The following APBB2 variants were observed in gnomAD, a reference collection of about 807,000 sequenced individuals.
APBB2 encodes Fe65-like 1.
A neutral mutation model predicts 82.5 loss-of-function variants in APBB2; 38 were observed. That is an observed-to-expected ratio of 0.46 (90% CI 0.36 to 0.60). The LOEUF is 0.60. APBB2 is among the 20% of genes least tolerant of loss of function. The pLI is 0.00. For missense variants in APBB2, 772 were observed against 972.3 expected (o/e 0.79, Z 2.74); for synonymous variants, 341 against 368.2 (o/e 0.93, Z 0.85).
chr4:41,112,562 C>T (rs1749569631), intron 2 of APBB2, among the ~76,000 whole-genome samples: 1 of 152,212 alleles, frequency 6.6e-6, no homozygotes, highest in Non-Finnish European at 1.5e-5. Flanking sequence ...ACAGTCCTAC[C>T]TGATGTTTTT....
intron 12 of APBB2, among the ~76,000 whole-genome samples, chr4:40,835,903 G>A (rs1415559665): frequency 6.6e-6 from 1 of 152,210 alleles, no homozygotes; most frequent in Non-Finnish European, 1.5e-5. Flanking sequence ...AGACGTGGAT[G>A]AGGGAGGCGA....
intron 10 of APBB2, among the ~76,000 whole-genome samples, chr4:40,901,504 T>A (rs1775278700): frequency 6.6e-6 from 1 of 151,920 alleles, no homozygotes; most frequent in Non-Finnish European, 1.5e-5. Context: ...ACTTCAGGGT[T>A]TTTTTTGTTG....
At chr4:40,854,525 G>A (rs1220875079) in intron 12 of APBB2, among the ~76,000 whole-genome samples, 3 of 152,114 alleles carry the variant, frequency 2.0e-5, no homozygotes, top group Non-Finnish European at 4.4e-5. Context: ...GGTGGCTCAC[G>A]CCTGTAATCC....
At chr4:40,847,900 T>C (rs1758161434) in intron 12 of APBB2, among the ~76,000 whole-genome samples, 1 of 151,946 alleles carries the variant, frequency 6.6e-6, no homozygotes. Context: ...TCAAACTACT[T>C]GGCTCAAGCA....
chr4:40,856,712 C>A (rs982458867), intron 12 of APBB2, among the ~76,000 whole-genome samples: 5 of 152,238 alleles, frequency 3.3e-5, no homozygotes, highest in African/African-American at 1.2e-4. Flanking sequence ...CAGACCCCAT[C>A]AATGAATAGC....
At chr4:41,151,207 G>A (rs7654651) in intron 1 of APBB2, among the ~76,000 whole-genome samples, 4,854 of 152,102 alleles carry the variant, frequency 0.032, 257 homozygotes, top group African/African-American at 0.11. Context: ...AACATATAAT[G>A]GTGGCTCTTA....
intron 6 of APBB2, among the ~76,000 whole-genome samples, chr4:40,992,934 T>A (rs1281548714): frequency 6.6e-6 from 1 of 152,240 alleles, no homozygotes; most frequent in Admixed American, 6.5e-5. Flanking sequence ...CTGCTGCTTA[T>A]CTGAAGTTAT....
chr4:40,811,819 G>A lies in APBB2; in HGVS notation c.*4273C>T, dbSNP rs1014300950. ...TGGAAGTGCAAGATGAACAAAAAGC[G>A]GGGACATACTTTAAATTCTGTTTAT... On this transcript the variant is annotated 3_prime_UTR_variant, in exon 18 of 18. Transcript: ENST00000508593. 5 of 152,272 alleles carry A rather than the reference G, an allele frequency of 3.3e-5. No individual in the cohort carries two copies. The highest frequency in any genetic ancestry group is 3.4e-3 in the Middle Eastern group (1 of 294). 9.4% of individuals were successfully genotyped at this position (152,272 alleles called of 1,614,324 possible).
intron 12 of APBB2, among the ~76,000 whole-genome samples, chr4:40,882,924 T>G (rs117930802): frequency 6.6e-6 from 1 of 152,318 alleles, no homozygotes; most frequent in East Asian, 1.9e-4. Flanking sequence ...CCTTTGCAGC[T>G]GAGTGTGGCC....
chr4:40,848,241 G>A (rs1758246456), intron 12 of APBB2, among the ~76,000 whole-genome samples: 1 of 152,226 alleles, frequency 6.6e-6, no homozygotes, highest in African/African-American at 2.4e-5. Flanking sequence ...GCGGCTCCTG[G>A]CTATGATTGC....
chr4:40,944,998 G>A lies in APBB2; in HGVS notation c.911C>T (p.Ala304Val). 6.3e-7 allele frequency: 1 copy of A among 1,594,964 alleles called. No homozygotes were observed. The highest frequency in any genetic ancestry group is 1.1e-5 in the South Asian group (1 of 90,784). The part of the protein sequence containing the change: ...PPGWKRVSDI[A>V]GTYYWHIPTG... ...TGGGATGTGCCAATAATAGGTCCCG[G>A]CAATGTCACTGACTCTTTTCCAGCC... Residue 304 changes from alanine to valine, a missense_variant, in exon 7 of 18, where the codon GCC (alanine) becomes GTC (valine). By Grantham distance (64) the Ala-to-Val change is moderately conservative. Transcript: ENST00000508593.
intron 2 of APBB2, among the ~76,000 whole-genome samples, chr4:41,105,775 A>G (rs901995899): frequency 6.6e-6 from 1 of 151,860 alleles, no homozygotes; most frequent in African/African-American, 2.4e-5. Flanking sequence ...AGTCCCAGCT[A>G]CTCAGGAGGC....
intron 10 of APBB2, among the ~76,000 whole-genome samples, chr4:40,926,399 C>T (rs1211358943): frequency 6.6e-6 from 1 of 152,186 alleles, no homozygotes; most frequent in East Asian, 1.9e-4. Context: ...ATTCCTTCAC[C>T]CATTCCCACC....
chr4:41,079,768 C>G (rs940425275), intron 3 of APBB2, among the ~76,000 whole-genome samples: 1 of 151,996 alleles, frequency 6.6e-6, no homozygotes, highest in Non-Finnish European at 1.5e-5. Context: ...AGGATGGTCT[C>G]GATCTCTTGA....
At chr4:41,024,047 ATCT>A (rs1237700435) in intron 5 of APBB2, among the ~76,000 whole-genome samples, 1 of 152,232 alleles carries the variant, frequency 6.6e-6, no homozygotes, top group African/African-American at 2.4e-5. Flanking sequence ...TGACCATCTT[ATCT>A]TCAACAAAGC....
At chr4:41,032,243 A>G (rs1717102612) in intron 5 of APBB2, among the ~76,000 whole-genome samples, 2 of 152,198 alleles carry the variant, frequency 1.3e-5, no homozygotes, top group South Asian at 4.1e-4. Context: ...TTGCTGAGCA[A>G]TATGTGCCCT....
intron 2 of APBB2, among the ~76,000 whole-genome samples, chr4:41,103,133 AT>A (rs1746027415): frequency 6.6e-6 from 1 of 152,236 alleles, no homozygotes; most frequent in African/African-American, 2.4e-5. Flanking sequence ...TTGTAATGCA[AT>A]TTAAAAAAGA....
intron 1 of APBB2, among the ~76,000 whole-genome samples, chr4:41,195,830 C>A: frequency 5.3e-5 from 8 of 152,112 alleles, no homozygotes; most frequent in Admixed American, 1.3e-4. Flanking sequence ...CCCAGGGGAT[C>A]CTCCCTCAAC....
At chr4:41,136,394 T>A (rs762330887) in intron 2 of APBB2, among the ~76,000 whole-genome samples, 1 of 152,214 alleles carries the variant, frequency 6.6e-6, no homozygotes, top group Non-Finnish European at 1.5e-5. Context: ...CTTAGAGTTA[T>A]AAATGAAAGC....
Sources: gnomAD v4.1 joint callset for allele counts (sites outside exome capture counted in the v4.1 genomes callset) on GRCh38, gnomAD v4.1.1 for gene constraint, MANE v1.5 for transcripts, NCBI Gene and HGNC (gene_info 2026-07-23, HGNC 2026-07-21) for gene names.